Variants in ACO2 observed in about 807,000 individuals in gnomAD.
ACO2 encodes the protein aconitase 2.
ACO2 carries 31 observed loss-of-function variants against 84.5 expected under a neutral mutation model. That is an observed-to-expected ratio of 0.37 (90% CI 0.28 to 0.50). ACO2 has a LOEUF of 0.50. Among genes scored for constraint, ACO2 ranks in the 20% least tolerant of loss-of-function variants. The pLI, the probability that ACO2 is intolerant of heterozygous loss-of-function variation, is 0.97. For synonymous variants in ACO2, 414 were observed against 412.7 expected (o/e 1.00, Z -0.04); for missense variants, 685 against 1,029.3 (o/e 0.67, Z 4.58).
intron 6 of ACO2, among the ~76,000 whole-genome samples, chr22:41,516,382 C>A (rs752886407): frequency 6.6e-6 from 1 of 152,206 alleles, no homozygotes; most frequent in Non-Finnish European, 1.5e-5. Flanking sequence ...GGTGCCTGTC[C>A]GCCTCCAAGA....
At chr22:41,520,957 G>A (rs2066520243) in intron 9 of ACO2, among the ~76,000 whole-genome samples, 1 of 144,886 alleles carries the variant, frequency 6.9e-6, no homozygotes, top group African/African-American at 2.6e-5. Flanking sequence ...ACAGTGAGCC[G>A]AGATGGTACC....
At chr22:41,482,839 A>G (rs898753124) in intron 1 of ACO2, among the ~76,000 whole-genome samples, 2 of 152,268 alleles carry the variant, frequency 1.3e-5, no homozygotes, top group Admixed American at 6.5e-5. Context: ...AAGGTTATAC[A>G]GCTTGTAAGG....
Position 41,523,197 on chromosome 22 carries a change from C to T in ACO2, c.1297-8C>T, listed in dbSNP as rs748906180. On this transcript the variant is annotated splice_polypyrimidine_tract_variant and splice_region_variant and intron_variant, in intron 10 of 17. Coordinates refer to ENST00000216254, the MANE Select transcript of ACO2 (RefSeq NM_001098.3). ...CCTTGACATTCTGTCTTCCTCTCTC[C>T]CTGGCAGGCACAGATCTTGAGGGAT... is the stretch of plus-strand genomic sequence containing the variant. 2.5e-6 allele frequency: 4 copies of T among 1,610,276 alleles called. No homozygotes were observed. Among genetic ancestry groups the T allele is most frequent in the East Asian group, 2.2e-5 (1 of 44,824 alleles).
intron 9 of ACO2, among the ~76,000 whole-genome samples, chr22:41,520,706 G>A (rs1226312792): frequency 6.6e-6 from 1 of 152,098 alleles, no homozygotes; most frequent in Non-Finnish European, 1.5e-5. Flanking sequence ...GCCAGGGGTG[G>A]TGGCAGGCAC....
intron 3 of ACO2, among the ~76,000 whole-genome samples, 155 bp downstream of exon 3, chr22:41,508,204 T>TA (rs1209488548): frequency 6.6e-5 from 10 of 152,230 alleles, no homozygotes; most frequent in African/African-American, 2.4e-4. Flanking sequence ...TTTCTCTTTC[T>TA]AAAAATAGCA....
At chr22:41,518,787 A>G (rs1019919367) in intron 8 of ACO2, among the ~76,000 whole-genome samples, 1 of 152,008 alleles carries the variant, frequency 6.6e-6, no homozygotes, top group Admixed American at 6.5e-5. Flanking sequence ...AAAAAAAAAA[A>G]ATACAAAAAT....
chr22:41,507,264 T>C (rs1012737949), intron 2 of ACO2, among the ~76,000 whole-genome samples: 7 of 152,058 alleles, frequency 4.6e-5, no homozygotes, highest in Admixed American at 4.6e-4. Context: ...TGTGGAGGGT[T>C]GTAGATGGCG....
intron 2 of ACO2, among the ~76,000 whole-genome samples, chr22:41,504,550 G>T (rs1270569501): frequency 1.3e-5 from 2 of 152,022 alleles, no homozygotes; most frequent in Non-Finnish European, 2.9e-5. Flanking sequence ...CTCCCTCGGG[G>T]CCCAGAAGGA....
chr22:41,501,010 A>T (rs1232193093), intron 2 of ACO2, among the ~76,000 whole-genome samples: 2 of 144,086 alleles, frequency 1.4e-5, no homozygotes, highest in African/African-American at 5.1e-5. Context: ...AGCTGGGACT[A>T]TTTTTTTTTT....
At chr22:41,474,984 C>G (rs1427575693) in intron 1 of ACO2, among the ~76,000 whole-genome samples, 1 of 151,772 alleles carries the variant, frequency 6.6e-6, no homozygotes, top group African/African-American at 2.4e-5. Flanking sequence ...TACTTTATTT[C>G]ACAGGTGAGA....
At chr22:41,528,348 A>G in intron 17 of ACO2, 131 bp from the exon 18 acceptor site, 1 of 1,324,730 alleles carries the variant, frequency 7.5e-7, no homozygotes, top group African/African-American at 1.5e-5. Flanking sequence ...TCAGGCACAG[A>G]CTGGCCTAGG....
In ACO2 at chr22:41,520,241, C is replaced by T. The variant is rs2066512326; in HGVS notation, c.1103C>T (p.Ala368Val). ...AHPVAEVGKV[A>V]EKEGWPLDIR... ...CCTGTGGCAGAAGTGGGCAAGGTGG[C>T]AGAGAAGGAAGGATGGCCTCTGGAC... The change falls in exon 9 of 18, where the codon GCA (alanine) becomes GTA (valine). Residue 368 changes from alanine (A) to valine (V), a missense_variant. Physicochemically the swap from Ala to Val is moderately conservative, Grantham distance 64. Transcript: ENST00000216254. 6.2e-7 allele frequency: 1 copy of T among 1,613,854 alleles called. No homozygotes were observed. The highest frequency in any genetic ancestry group is 8.5e-7 in the Non-Finnish European group (1 of 1,179,926).
intron 6 of ACO2, chr22:41,516,134 G>A (rs183827939): frequency 2.2e-5 from 15 of 672,500 alleles, no homozygotes; most frequent in Non-Finnish European, 3.9e-5. Flanking sequence ...GATACCTGTC[G>A]AGGCTGCCGG....
At chr22:41,469,576 C>T (rs2037916643) in intron 1 of ACO2, 1 of 198,580 alleles carries the variant, frequency 5.0e-6, no homozygotes, top group Non-Finnish European at 1.0e-5. Flanking sequence ...TGAGGCCTCA[C>T]TTCCCATCTC....
intron 1 of ACO2, among the ~76,000 whole-genome samples, chr22:41,483,431 C>T (rs571279039): frequency 7.2e-5 from 11 of 151,804 alleles, no homozygotes; most frequent in Non-Finnish European, 1.5e-4. Context: ...CCAAGGCGGG[C>T]GGATCACTTG....
At chr22:41,518,057 G>C (rs1407053362) in intron 7 of ACO2, among the ~76,000 whole-genome samples, 2 of 152,232 alleles carry the variant, frequency 1.3e-5, no homozygotes, top group Non-Finnish European at 1.5e-5. Flanking sequence ...TGAGGCTCTA[G>C]CCTGGCTTCT....
intron 1 of ACO2, among the ~76,000 whole-genome samples, chr22:41,472,309 C>T (rs939061866): frequency 6.0e-5 from 9 of 150,948 alleles, no homozygotes; most frequent in African/African-American, 1.5e-4. Flanking sequence ...GCCGAGATCG[C>T]GCCACTGCAC....
chr22:41,508,059 A>G lies in ACO2; in HGVS notation c.432+10A>G. ...CCTGCGCCGGGCCAAGGTGAGCAGA[A>G]GGTGGCTTTGGGGGTGGGCAAGTGG... On this transcript the variant is annotated intron_variant, in intron 3 of 17. Transcript: ENST00000216254. 1 of 1,603,478 alleles carries G rather than the reference A, an allele frequency of 6.2e-7. No homozygotes were observed. Among genetic ancestry groups the G allele is most frequent in the East Asian group, 2.2e-5 (1 of 44,598 alleles).
Position 41,515,847 on chromosome 22 carries a change from C to T in ACO2, c.765C>T (p.Leu255=). The T allele has an allele frequency of 1.2e-6, 2 of 1,614,214 alleles. No individual in the cohort carries two copies. Among genetic ancestry groups the T allele is most frequent in the Non-Finnish European group, 1.7e-6 (2 of 1,180,044 alleles). ...TGATCCTGAAGGTGGCAGGCATCCTCACGGTGAAAGGTGGCACAGGTGCAA... is the reference window on the plus strand; with the variant it reads ...TGATCCTGAAGGTGGCAGGCATCCTTACGGTGAAAGGTGGCACAGGTGCAA... ...KDVILKVAGI[L]TVKGGTGAIV... Residue 255 remains leucine, a synonymous_variant, in exon 6 of 18, where the codon CTC becomes CTT. Transcript: ENST00000216254. This position sits in a 1 kb window ranked among gnomAD's most constrained non-coding sequence, Gnocchi z 5.8.
Sources: gnomAD v4.1 joint callset for allele counts (sites outside exome capture counted in the v4.1 genomes callset) on GRCh38, gnomAD v4.1.1 for gene constraint, Gnocchi (gnomAD v3.1) non-coding constraint, MANE v1.5 for transcripts, NCBI Gene and HGNC (gene_info 2026-07-23, HGNC 2026-07-21) for gene names.